Variants in USP6NL observed in about 807,000 individuals in gnomAD.
USP6NL encodes the protein USP6 N-terminal-like protein.
A neutral mutation model predicts 61.9 loss-of-function variants in USP6NL; 26 were observed. The observed-to-expected ratio is 0.42, with a 90% CI of 0.31 to 0.58. The LOEUF is 0.58. USP6NL is among the 20% of genes least tolerant of loss of function. The pLI is 0.16. For missense variants in USP6NL, 1,114 were observed against 1,034.3 expected (o/e 1.08, Z -1.06); for synonymous variants, 432 against 390.1 (o/e 1.11, Z -1.27).
intron 1 of USP6NL, among the ~76,000 whole-genome samples, chr10:11,605,413 C>A (rs1838672957): frequency 6.6e-6 from 1 of 152,050 alleles, no homozygotes. Context: ...AAGTGTCTGG[C>A]AAAAGCAATG....
rs1833660025 is a variant in USP6NL, at chr10:11,490,393, A to G, written c.543+439T>C. Among the ~76,000 whole-genome samples the G allele has an allele frequency of 6.6e-6, 1 of 152,212 alleles. No homozygotes were observed. Among genetic ancestry groups the G allele is most frequent in the Non-Finnish European group, 1.5e-5 (1 of 68,028 alleles). On this transcript the variant is annotated intron_variant, in intron 9 of 14. Transcript: ENST00000609104. The surrounding 1 kb of genome is among the most constrained non-coding windows in gnomAD (Gnocchi z 4.5). ...CCTCCTGGGGATAGCCAGTAAGGGC[A>G]TAGTTATCTTGTTTGGACCTCACCT...
At position 11,581,026 on chromosome 10, in the gene USP6NL, T is replaced by C. The variant is rs76538952; in HGVS notation, c.4+16605A>G. Among the ~76,000 whole-genome samples, 1,033 of 152,304 alleles carry C rather than the reference T, an allele frequency of 6.8e-3. 8 individuals are homozygous for C. The highest frequency in any genetic ancestry group is 0.011 in the Non-Finnish European group (766 of 68,020). On this transcript the variant is annotated intron_variant, in intron 2 of 14. Coordinates refer to ENST00000609104, the MANE Select transcript of USP6NL (RefSeq NM_014688.5). The stretch of plus-strand genomic sequence containing the variant: ...CTATTATTCAGAGCAAATAATGTTA[T>C]AAGTAATTCAAACCAACACCCTAGA...
At chr10:11,564,301 T>C (rs1837044064) in intron 2 of USP6NL, 1 of 152,202 alleles carries the variant, frequency 6.6e-6, no homozygotes, top group Admixed American at 6.5e-5. Context: ...TAATTTCAAG[T>C]AGCATTCTCA....
chr10:11,569,502 T>G (rs1837283424), intron 2 of USP6NL, among the ~76,000 whole-genome samples: 1 of 152,062 alleles, frequency 6.6e-6, no homozygotes, highest in Non-Finnish European at 1.5e-5. Context: ...AAAAGCAAAA[T>G]GCTAAGAGAA....
rs1320692657 is a variant in USP6NL, at chr10:11,555,460, A to AT, written c.5-27894_5-27893insA. 4.1e-5 allele frequency among the ~76,000 whole-genome samples: 4 copies of AT among 98,464 alleles called. No individual in the cohort carries two copies. In the South Asian group the frequency reaches 1.6e-3, roughly 39 times the overall value. The allele number at this position is 98,464 out of a possible 152,430, so 64.6% of individuals were successfully genotyped here. ...TATATATATATATATATAGAGAGAG[A>AT]GAGAGAGAGAAAGAGAGAGAGAGAG... On this transcript the variant is annotated intron_variant, in intron 2 of 14. Coordinates refer to ENST00000609104, the MANE Select transcript of USP6NL (RefSeq NM_014688.5).
At chr10:11,555,415 T>TAAAAAAAAAAAAAAAA (rs558901276) in intron 2 of USP6NL, among the ~76,000 whole-genome samples, 1 of 26,868 alleles carries the variant, frequency 3.7e-5, no homozygotes, top group Non-Finnish European at 6.3e-5. Context: ...AACTCGGTCT[T>TAAAAAAAAAAAAAAAA]AAAAAAAAAA....
chr10:11,466,770 G>C (rs1832474474), intron 14 of USP6NL, among the ~76,000 whole-genome samples: 1 of 152,146 alleles, frequency 6.6e-6, no homozygotes, highest in South Asian at 2.1e-4. Flanking sequence ...CTATGATACA[G>C]CCTACTACTC....
chr10:11,462,252 A>AAT lies in USP6NL; in HGVS notation c.*187_*188dup. 5 of 675,826 alleles carry AAT rather than the reference A, an allele frequency of 7.4e-6. No homozygotes were observed. The South Asian group carries it at 1.1e-4, about 15-fold the overall frequency. The allele number at this position is 675,826 out of a possible 1,614,324, so 41.9% of individuals were successfully genotyped here. On this transcript the variant is annotated 3_prime_UTR_variant, in exon 15 of 15. Coordinates refer to ENST00000609104, the MANE Select transcript of USP6NL (RefSeq NM_014688.5). Reference sequence around the variant, plus strand: ...AATTCTAACAGGTCAGTGATGATGCAATTGAAACGCTCATCTTAAGCAGCA... The same window carrying AAT: ...AATTCTAACAGGTCAGTGATGATGCAATATTGAAACGCTCATCTTAAGCAGCA...
chr10:11,475,542 G>A (rs1458623390), intron 14 of USP6NL, among the ~76,000 whole-genome samples: 1 of 145,398 alleles, frequency 6.9e-6, no homozygotes, highest in Non-Finnish European at 1.5e-5. Context: ...GTTGCAGTGA[G>A]CCGAGATCGT....
At position 11,510,532 on chromosome 10, in the gene USP6NL, CA is replaced by C. The variant is rs1417722632; in HGVS notation, c.196-858del. On this transcript the variant is annotated intron_variant, in intron 5 of 14. Transcript: ENST00000609104. The surrounding 1 kb of genome is among the most constrained non-coding windows in gnomAD (Gnocchi z 4.8). Reference sequence around the variant, plus strand: ...CTTGCGTGCCCACTCAAGTGAAATTCAGGGGCAAGGCTGCGGAATGGGGAAA... The same window carrying C: ...CTTGCGTGCCCACTCAAGTGAAATTCGGGGCAAGGCTGCGGAATGGGGAAA... Among the ~76,000 whole-genome samples, 2 of 152,104 alleles carry C rather than the reference CA, an allele frequency of 1.3e-5. No homozygotes were observed. Among genetic ancestry groups the C allele is most frequent in the African/African-American group, 4.8e-5 (2 of 41,412 alleles).
chr10:11,483,496 GAGGGAGA>G (rs1833294996), intron 13 of USP6NL, among the ~76,000 whole-genome samples: 1 of 103,260 alleles, frequency 9.7e-6, no homozygotes, highest in African/African-American at 4.2e-5. Flanking sequence ...GGGGGGAGGG[GAGGGAGA>G]GAGGGAGAGA....
rs538754034 is a variant in USP6NL, at chr10:11,591,811, A to G, written c.4+5820T>C. On this transcript the variant is annotated intron_variant, in intron 2 of 14. Coordinates refer to ENST00000609104, the MANE Select transcript of USP6NL (RefSeq NM_014688.5). The surrounding 1 kb of genome is among the most constrained non-coding windows in gnomAD (Gnocchi z 4.7). ...GTAAACCACCTCCCAAAAAATTTTTAACTTAAATATATAAGACTATATTAA... is the reference window on the plus strand; with the variant it reads ...GTAAACCACCTCCCAAAAAATTTTTGACTTAAATATATAAGACTATATTAA... 6.6e-6 allele frequency among the ~76,000 whole-genome samples: 1 copy of G among 152,344 alleles called. No homozygotes were observed. Among genetic ancestry groups the G allele is most frequent in the South Asian group, 2.1e-4 (1 of 4,824 alleles).
At chr10:11,547,297 C>T (rs936866702) in intron 2 of USP6NL, among the ~76,000 whole-genome samples, 1 of 152,224 alleles carries the variant, frequency 6.6e-6, no homozygotes, top group Non-Finnish European at 1.5e-5. Context: ...TACGTAAACT[C>T]AAACAACCCT....
At position 11,463,027 on chromosome 10, in the gene USP6NL, T is replaced by A; in HGVS notation, c.1901A>T (p.Asn634Ile). 1 of 1,613,528 alleles carries A rather than the reference T, an allele frequency of 6.2e-7. No homozygotes were observed. Among genetic ancestry groups the A allele is most frequent in the Non-Finnish European group, 8.5e-7 (1 of 1,179,706 alleles). ...AGAGTTTCCGTGGTAAACGGGGGGA[T>A]TGCTGTAGGAGGGGGGATGAGCTAG... is the stretch of plus-strand genomic sequence containing the variant. ...RGLAHPPSYSNPPVYHGNSPK... is the reference protein window; with the variant it reads ...RGLAHPPSYSIPPVYHGNSPK... The change falls in exon 15 of 15, where the codon AAT becomes ATT. Residue 634 changes from asparagine (N) to isoleucine (I), a missense_variant. Asn to Ile is a moderately radical substitution (Grantham distance 149, BLOSUM62 -3). Transcript: ENST00000609104. The surrounding 1 kb of genome is among the most constrained non-coding windows in gnomAD (Gnocchi z 6.3).
At chr10:11,603,375 T>C (rs1480831331) in intron 1 of USP6NL, among the ~76,000 whole-genome samples, 3 of 152,188 alleles carry the variant, frequency 2.0e-5, no homozygotes, top group African/African-American at 7.2e-5. Context: ...CTATAATTAG[T>C]TTACATGGTA....
intron 2 of USP6NL, among the ~76,000 whole-genome samples, chr10:11,549,713 T>C (rs1205249262): frequency 6.6e-6 from 1 of 152,228 alleles, no homozygotes; most frequent in African/African-American, 2.4e-5. Flanking sequence ...TTCATTTTCC[T>C]AAAGTAAATC....
intron 2 of USP6NL, chr10:11,563,194 G>A (rs1265041865): frequency 6.6e-6 from 1 of 152,076 alleles, no homozygotes; most frequent in Non-Finnish European, 1.5e-5. Context: ...TATAATATAT[G>A]ATTCCATTTA....
In USP6NL at chr10:11,495,425, C is replaced by T. The variant is rs1015889698; in HGVS notation, c.385-2197G>A. ...TTGCCTCAGCACCTGGATGGCTTGC[C>T]GCCCACACCCTCCCTCCATTCCCAT... is the stretch of plus-strand genomic sequence containing the variant. On this transcript the variant is annotated intron_variant, in intron 7 of 14. Transcript: ENST00000609104. This position sits in a 1 kb window ranked among gnomAD's most constrained non-coding sequence, Gnocchi z 4.6. Among the ~76,000 whole-genome samples, 2 of 152,164 alleles carry T rather than the reference C, an allele frequency of 1.3e-5. No homozygotes were observed. The highest frequency in any genetic ancestry group is 1.5e-5 in the Non-Finnish European group (1 of 68,028).
intron 1 of USP6NL, among the ~76,000 whole-genome samples, chr10:11,608,153 A>G (rs1274349769): frequency 5.3e-5 from 8 of 152,256 alleles, no homozygotes; most frequent in Non-Finnish European, 1.0e-4. Context: ...TCCTGATATT[A>G]CAAAGCATCT....
Sources: allele counts gnomAD v4.1 joint callset (sites outside exome capture counted in the v4.1 genomes callset), GRCh38; gene constraint gnomAD v4.1.1; non-coding constraint Gnocchi (gnomAD v3.1); transcripts MANE v1.5; gene names NCBI Gene and HGNC (gene_info 2026-07-23, HGNC 2026-07-21).